The following HSPG2 variants were observed in gnomAD, a reference collection of about 807,000 sequenced individuals.
The protein encoded by HSPG2 is basement membrane-specific heparan sulfate proteoglycan core protein.
In HSPG2, 278 loss-of-function variants were observed where a neutral mutation model predicts 526.6. The observed-to-expected ratio is 0.53, with a 90% CI of 0.48 to 0.58. The LOEUF (loss-of-function observed/expected upper bound fraction) is 0.58. Ranked by LOEUF, HSPG2 falls within the 20% of genes least tolerant of loss-of-function variation. The pLI is 0.00. For missense variants in HSPG2, 5,354 were observed against 6,099.5 expected, an observed-to-expected ratio of 0.88 and a Z score of 4.07; for synonymous variants, 2,465 against 2,555.4, an observed-to-expected ratio of 0.96 and a Z score of 1.07.
chr1:21,888,695 C>T, intron 6 of HSPG2: 2 of 1,365,510 alleles, frequency 1.5e-6, no homozygotes, highest in Non-Finnish European at 2.0e-6. Flanking sequence ...GCCACAGCGG[C>T]CGGCGGGGGT....
chr1:21,896,650 G>T (rs1642766968), intron 1 of HSPG2, among the ~76,000 whole-genome samples: 1 of 152,186 alleles, frequency 6.6e-6, no homozygotes, highest in African/African-American at 2.4e-5. Context: ...AGTGGATGGG[G>T]GGATGCGGGC....
At position 21,847,313 on chromosome 1, in the gene HSPG2, C is replaced by G. The variant is rs372150695; in HGVS notation, c.8164+41G>C. On this transcript the variant is annotated intron_variant, in intron 62 of 96. Transcript: ENST00000374695. This position sits in a 1 kb window ranked among gnomAD's most constrained non-coding sequence, Gnocchi z 4.1. Reference sequence around the variant, plus strand: ...GAAAGTTCCTTCTCCCCAGGGAACACTGTTGCCTGCATCCCTCGTCCCTTT... The same window carrying G: ...GAAAGTTCCTTCTCCCCAGGGAACAGTGTTGCCTGCATCCCTCGTCCCTTT... 1.2e-6 allele frequency: 2 copies of G among 1,611,082 alleles called. 1 individual carries two copies. The highest frequency in any genetic ancestry group is 2.2e-5 in the South Asian group (2 of 91,054).
At chr1:21,823,871 C>T (rs897637678) in intron 95 of HSPG2, 152 bp from the exon 96 acceptor site, 50 of 755,722 alleles carry the variant, frequency 6.6e-5, no homozygotes, top group Admixed American at 3.9e-4. Flanking sequence ...AACGAGAGAT[C>T]GGGCCCCACA....
intron 1 of HSPG2, among the ~76,000 whole-genome samples, chr1:21,908,745 G>A (rs1251619380): frequency 6.6e-6 from 1 of 152,106 alleles, no homozygotes; most frequent in Admixed American, 6.5e-5. Context: ...TGATATTTTA[G>A]AGCACTGACA....
chr1:21,841,488 G>T, intron 70 of HSPG2, 51 bp downstream of exon 70: 1 of 1,611,636 alleles, frequency 6.2e-7, no homozygotes. Flanking sequence ...TCTGAGCTGA[G>T]AATCAGGGCT....
chr1:21,830,690 CAAAAAAAA>C, intron 85 of HSPG2: 1 of 106,398 alleles, frequency 9.4e-6, no homozygotes, highest in Non-Finnish European at 1.6e-5. Context: ...AACTTCGTCT[CAAAAAAAA>C]AAAAAAAAAA....
At chr1:21,861,629 G>T in intron 39 of HSPG2, 128 bp downstream of exon 39, 1 of 874,766 alleles carries the variant, frequency 1.1e-6, no homozygotes. Context: ...AGGTGTCTTA[G>T]AAGTGTTTGA....
At position 21,829,479 on chromosome 1, in the gene HSPG2, G is replaced by A. The variant is rs1393703638; in HGVS notation, c.11896C>T (p.Leu3966=). The A allele has an allele frequency of 1.9e-6, 3 of 1,613,424 alleles. No individual in the cohort carries two copies. Among genetic ancestry groups the A allele is most frequent in the South Asian group, 2.2e-5 (2 of 91,080 alleles). The change falls in exon 87 of 97, where the codon CTG becomes TTG. Residue 3966 remains leucine (L), a synonymous_variant. Coordinates refer to ENST00000374695, the MANE Select transcript of HSPG2 (RefSeq NM_005529.7). The part of the protein sequence containing the change: ...EFKPLAPDGV[L]LFSGGKSGPV... ...CCGCTCTTCCCCCCGCTGAACAGCA[G>A]GACCCCGTCAGGGGCGAGTGGCTTG...
rs781639534 is a variant in HSPG2 at position 21,876,317 on chromosome 1, G to A, written c.2915C>T (p.Thr972Met). Residue 972 changes from threonine (T) to methionine (M), a missense_variant, in exon 23 of 97, where the codon ACG (threonine) becomes ATG (methionine). By Grantham distance (81) the Thr-to-Met change is moderately conservative (BLOSUM62 -1). Coordinates refer to ENST00000374695, the MANE Select transcript of HSPG2 (RefSeq NM_005529.7). ...GGAGGAGAATCCCAGTTCCCCGGGC[G>A]TGGGGGAGAAGATGCCCTCGTTGGT... ...HTTNEGIFSP[T>M]PGELGFSSFH... 1.7e-5 allele frequency: 27 copies of A among 1,613,944 alleles called. No individual in the cohort carries two copies. The East Asian group carries it at 1.8e-4, about 11-fold the overall frequency.
At position 21,822,690 on chromosome 1, in the gene HSPG2, G is replaced by T. The variant is rs1049644; in HGVS notation, c.*626C>A. On this transcript the variant is annotated 3_prime_UTR_variant, in exon 97 of 97. Coordinates refer to ENST00000374695, the MANE Select transcript of HSPG2 (RefSeq NM_005529.7). ...ACCCCAGGCTGTGTGCTGGCAGGAGGGGGTGGGAATGCAGGCCAGGAGGAC... is the reference window on the plus strand; with the variant it reads ...ACCCCAGGCTGTGTGCTGGCAGGAGTGGGTGGGAATGCAGGCCAGGAGGAC... 7.8e-5 allele frequency: 13 copies of T among 166,726 alleles called. No individual in the cohort carries two copies. The highest frequency in any genetic ancestry group is 5.8e-4 in the Admixed American group (10 of 17,222). 10.3% of individuals were successfully genotyped at this position (166,726 alleles called of 1,614,324 possible). A position where few individuals can be genotyped will look rare whatever the true frequency, so the allele number is the denominator to read the frequency against.
At chr1:21,873,499 T>C (rs1223064892) in intron 29 of HSPG2, 75 bp from the exon 30 acceptor site, 1 of 1,398,192 alleles carries the variant, frequency 7.2e-7, no homozygotes, top group Non-Finnish European at 1.0e-6. Context: ...GAGGGCCCCA[T>C]ATTGAATTCA....
In HSPG2 at chr1:21,847,690, T is replaced by G; in HGVS notation, c.8024A>C (p.Gln2675Pro). 1.2e-6 allele frequency: 2 copies of G among 1,607,282 alleles called. No homozygotes were observed. Among genetic ancestry groups the G allele is most frequent in the Non-Finnish European group, 1.7e-6 (2 of 1,177,092 alleles). ...KRGGSLPSRH[Q>P]THGSHLRLHQ... ...CGCTGCTGTGGCTCCACTCTGTACC[T>G]GGTGTCGGGAGGGAAGGCTGCCCCC... The change falls in exon 61 of 97, where the codon CAG becomes CCG. Residue 2675 changes from glutamine to proline, a missense_variant and splice_region_variant. Gln to Pro is a moderately conservative substitution (Grantham distance 76). Transcript: ENST00000374695. This position sits in a 1 kb window ranked among gnomAD's most constrained non-coding sequence, Gnocchi z 4.1.
At chr1:21,832,407 C>A in intron 81 of HSPG2, 88 bp downstream of exon 81, 1 of 1,093,250 alleles carries the variant, frequency 9.1e-7, no homozygotes. Context: ...CTCCAGATCT[C>A]CTTTGTATAA....
In HSPG2 at chr1:21,875,201, C is replaced by T. The variant is rs530265289; in HGVS notation, c.3303-199G>A. On this transcript the variant is annotated intron_variant, in intron 25 of 96. Transcript: ENST00000374695. ...CAACTTACTCCAAACCATCACCCTT[C>T]CTCACCTGGAGAGGTTATACCACCT... 10 of 639,894 alleles carry T rather than the reference C, an allele frequency of 1.6e-5. No individual in the cohort carries two copies. In the African/African-American group the frequency reaches 1.6e-4, roughly 10 times the overall value. 39.6% of individuals were successfully genotyped at this position (639,894 alleles called of 1,614,324 possible). A position where few individuals can be genotyped will look rare whatever the true frequency, so the allele number is the denominator to read the frequency against.
chr1:21,872,381 G>T lies in HSPG2; in HGVS notation c.4030-4C>A. On this transcript the variant is annotated splice_region_variant and splice_polypyrimidine_tract_variant and intron_variant, in intron 32 of 96. Coordinates refer to ENST00000374695, the MANE Select transcript of HSPG2 (RefSeq NM_005529.7). This position sits in a 1 kb window ranked among gnomAD's most constrained non-coding sequence, Gnocchi z 5.5. ...CAGGGGCAAAGTGGGTGGAGATCTG[G>T]CAGGGGAAAAAGGAGGGGGCGTCAG... is the stretch of plus-strand genomic sequence containing the variant. The T allele has an allele frequency of 6.4e-7, 1 of 1,564,000 alleles. No individual in the cohort carries two copies. The highest frequency in any genetic ancestry group is 1.2e-5 in the South Asian group (1 of 84,564).
chr1:21,928,895 C>T (rs1325868182), intron 1 of HSPG2, among the ~76,000 whole-genome samples: 1 of 152,110 alleles, frequency 6.6e-6, no homozygotes, highest in Non-Finnish European at 1.5e-5. Context: ...GGATTACAGG[C>T]ATGTGCCACC....
intron 38 of HSPG2, 26 bp downstream of exon 38, chr1:21,861,962 C>T: frequency 6.2e-7 from 1 of 1,614,200 alleles, no homozygotes; most frequent in Non-Finnish European, 8.5e-7. Flanking sequence ...GAAGTGTGTC[C>T]TTGGGCCTTG....
chr1:21,844,900 C>T (rs1638304026), intron 64 of HSPG2, among the ~76,000 whole-genome samples: 1 of 152,180 alleles, frequency 6.6e-6, no homozygotes, highest in African/African-American at 2.4e-5. Context: ...AGCATGTGCC[C>T]CCTGTGCTAT....
intron 1 of HSPG2, among the ~76,000 whole-genome samples, chr1:21,928,980 G>A (rs1644278699): frequency 6.6e-6 from 1 of 151,056 alleles, no homozygotes; most frequent in Admixed American, 6.6e-5. Flanking sequence ...GGCTGGTCTC[G>A]AACTCCCAAC....
Sources: gnomAD v4.1 joint callset for allele counts (sites outside exome capture counted in the v4.1 genomes callset) on GRCh38, gnomAD v4.1.1 for gene constraint, Gnocchi (gnomAD v3.1) non-coding constraint, MANE v1.5 for transcripts, NCBI Gene and HGNC (gene_info 2026-07-23, HGNC 2026-07-21) for gene names.